The following WASF3 variants were observed in gnomAD, a reference collection of about 807,000 sequenced individuals.
WASF3 encodes WASP family member 3.
WASF3 carries 11 observed loss-of-function variants against 46.6 expected under a neutral mutation model. The ratio of observed to expected loss-of-function variants is 0.24; its 90% confidence interval spans 0.15 to 0.39. The LOEUF is 0.39. Among genes scored for constraint, WASF3 ranks in the 10% least tolerant of loss-of-function variants. The pLI is 1.00. For synonymous variants in WASF3, 242 were observed against 259.7 expected (o/e 0.93, Z 0.65); for missense variants, 576 against 669.8 (o/e 0.86, Z 1.55).
At chr13:26,615,687 T>C (rs547630739) in intron 2 of WASF3, among the ~76,000 whole-genome samples, 1 of 152,340 alleles carries the variant, frequency 6.6e-6, no homozygotes, top group African/African-American at 2.4e-5. Flanking sequence ...TATAATTTGA[T>C]AAGTTATTTG....
the WASF3 span, among the ~76,000 whole-genome samples, chr13:26,551,658 G>A: frequency 6.6e-6 from 1 of 152,138 alleles, no homozygotes; most frequent in Admixed American, 6.5e-5. Flanking sequence ...GCTCCAGAGA[G>A]GTGAATTTGA....
chr13:26,680,522 G>A lies in WASF3; in HGVS notation c.717-532G>A, dbSNP rs1332499237. 4.6e-5 allele frequency among the ~76,000 whole-genome samples: 7 copies of A among 152,132 alleles called. 1 individual carries two copies. The highest frequency in any genetic ancestry group is 4.1e-4 in the South Asian group (2 of 4,828). On this transcript the variant is annotated intron_variant, in intron 7 of 9. Transcript: ENST00000335327. ...AAAGAAGGCCTTTCCATAGTGCACCGCATTGCTTTCTGCCCTTTTTGTTAA... is the reference window on the plus strand; with the variant it reads ...AAAGAAGGCCTTTCCATAGTGCACCACATTGCTTTCTGCCCTTTTTGTTAA...
intron 1 of WASF3, among the ~76,000 whole-genome samples, chr13:26,587,271 CTG>C (rs1880158703): frequency 6.8e-6 from 1 of 146,590 alleles, no homozygotes; most frequent in South Asian, 2.2e-4. Flanking sequence ...TCCCTAAACT[CTG>C]TTTTTTTTTT....
chr13:26,667,524 A>G lies in WASF3; in HGVS notation c.276A>G (p.Leu92=), dbSNP rs1177160029. 2 of 1,613,738 alleles carry G rather than the reference A, an allele frequency of 1.2e-6. No homozygotes were observed. The highest frequency in any genetic ancestry group is 1.7e-6 in the Non-Finnish European group (2 of 1,179,882). The stretch of plus-strand genomic sequence containing the variant: ...GGGATTTTCTCTAAATAGTCTCACT[A>G]CAGGATATCAACATGAAAAAAGCTT... ...QLDSTVEEVS[L]QDINMKKAFK... is the part of the protein sequence containing the mutation. Residue 92 remains leucine (L), a synonymous_variant, in exon 5 of 10, where the codon CTA becomes CTG. Transcript: ENST00000335327.
chr13:26,546,986 A>G, the WASF3 span, among the ~76,000 whole-genome samples: 1 of 152,132 alleles, frequency 6.6e-6, no homozygotes, highest in Admixed American at 6.5e-5. Context: ...GAAGCCTCCT[A>G]TCTGCAAAGT....
At chr13:26,610,619 A>T (rs772546985) in intron 1 of WASF3, among the ~76,000 whole-genome samples, 1 of 152,202 alleles carries the variant, frequency 6.6e-6, no homozygotes, top group Non-Finnish European at 1.5e-5. Flanking sequence ...TTTGTGACAC[A>T]GGGAGTGTAA....
At chr13:26,670,682 A>G (rs561420952) in intron 5 of WASF3, among the ~76,000 whole-genome samples, 1 of 152,272 alleles carries the variant, frequency 6.6e-6, no homozygotes, top group African/African-American at 2.4e-5. Context: ...AGGGAAACAA[A>G]TTATCTTTTT....
intron 4 of WASF3, among the ~76,000 whole-genome samples, chr13:26,666,682 G>T (rs1566068544): frequency 6.6e-6 from 1 of 152,048 alleles, no homozygotes; most frequent in East Asian, 1.9e-4. Flanking sequence ...GGCGGATCAT[G>T]AGGTCAGGAG....
At chr13:26,621,906 C>T (rs1024746095) in intron 2 of WASF3, among the ~76,000 whole-genome samples, 3 of 152,026 alleles carry the variant, frequency 2.0e-5, no homozygotes, top group African/African-American at 7.2e-5. Context: ...AGACATAGCC[C>T]TTGTCCTTCA....
At chr13:26,639,214 T>G (rs139228658) in intron 2 of WASF3, among the ~76,000 whole-genome samples, 8 of 152,364 alleles carry the variant, frequency 5.3e-5, no homozygotes, top group African/African-American at 1.9e-4. Context: ...CCGTCTTTTC[T>G]GAAGTTGTAG....
At chr13:26,580,861 G>A (rs1879959218) in intron 1 of WASF3, among the ~76,000 whole-genome samples, 1 of 151,656 alleles carries the variant, frequency 6.6e-6, no homozygotes. Flanking sequence ...CCGACCTCAG[G>A]TGATCTGCCC....
the WASF3 span, among the ~76,000 whole-genome samples, chr13:26,543,521 CT>C: frequency 4.1e-4 from 62 of 152,104 alleles, 1 homozygote; most frequent in African/African-American, 1.4e-3. Flanking sequence ...GATCAATGTT[CT>C]TCTAAATTTC....
intron 1 of WASF3, among the ~76,000 whole-genome samples, chr13:26,580,879 C>T (rs1879960211): frequency 6.6e-6 from 1 of 151,654 alleles, no homozygotes; most frequent in Admixed American, 6.6e-5. Context: ...CCCAGCTCGG[C>T]CTCCCAAAGT....
At position 26,603,493 on chromosome 13, in the gene WASF3, A is replaced by G. The variant is rs551050959; in HGVS notation, c.-108-9468A>G. 5.9e-5 allele frequency among the ~76,000 whole-genome samples: 9 copies of G among 152,288 alleles called. No homozygotes were observed. In the South Asian group the frequency reaches 1.9e-3, roughly 32 times the overall value. ...GGCATGGGAGAAAGGCAGAGACTCA[A>G]ACCAGTAAAGGATATAAAGCAACTT... On this transcript the variant is annotated intron_variant, in intron 1 of 9. Coordinates refer to ENST00000335327, the MANE Select transcript of WASF3 (RefSeq NM_006646.6).
chr13:26,673,413 C>T (rs909545226), intron 6 of WASF3, among the ~76,000 whole-genome samples: 2 of 152,056 alleles, frequency 1.3e-5, no homozygotes, highest in Non-Finnish European at 2.9e-5. Flanking sequence ...CTTCTAAATG[C>T]TGGATAAACA....
Position 26,586,257 on chromosome 13 carries a change from C to T in WASF3, c.-108-26704C>T, listed in dbSNP as rs114436855. On this transcript the variant is annotated intron_variant, in intron 1 of 9. Transcript: ENST00000335327. Reference sequence around the variant, plus strand: ...AATATTTTTTGTGTTTCTTTTCGCTCTTTATTGGTTTTATTTTGCACATTT... The same window carrying T: ...AATATTTTTTGTGTTTCTTTTCGCTTTTTATTGGTTTTATTTTGCACATTT... Among the ~76,000 whole-genome samples the T allele has an allele frequency of 5.7e-3, 857 of 151,632 alleles. 10 individuals are homozygous for T. Among genetic ancestry groups the T allele is most frequent in the African/African-American group, 0.02 (816 of 41,418 alleles).
chr13:26,601,596 C>T lies in WASF3; in HGVS notation c.-108-11365C>T, dbSNP rs1012442054. Among the ~76,000 whole-genome samples the T allele has an allele frequency of 2.6e-5, 4 of 152,338 alleles. No individual in the cohort carries two copies. In the South Asian group the frequency reaches 8.3e-4, roughly 32 times the overall value. On this transcript the variant is annotated intron_variant, in intron 1 of 9. Coordinates refer to ENST00000335327, the MANE Select transcript of WASF3 (RefSeq NM_006646.6). ...CAGAATTCAAGTTATTAACAGAAAA[C>T]TCTACAAGAGCAAATGAAGCTTTAG...
At chr13:26,680,009 C>A in intron 7 of WASF3, 2 of 1,590,306 alleles carry the variant, frequency 1.3e-6, no homozygotes, top group Non-Finnish European at 1.7e-6. Flanking sequence ...TCAGCACCCC[C>A]AATGTGTGTT....
At chr13:26,652,672 T>C (rs1593171424) in intron 3 of WASF3, among the ~76,000 whole-genome samples, 1 of 152,206 alleles carries the variant, frequency 6.6e-6, no homozygotes, top group Non-Finnish European at 1.5e-5. Flanking sequence ...GAGATAATTA[T>C]AATCTTTTTA....
Sources: gnomAD v4.1 joint callset for allele counts (sites outside exome capture counted in the v4.1 genomes callset) on GRCh38, gnomAD v4.1.1 for gene constraint, MANE v1.5 for transcripts, NCBI Gene and HGNC (gene_info 2026-07-23, HGNC 2026-07-21) for gene names.